Variants in DLC1 observed in about 807,000 individuals in gnomAD.
DLC1 encodes the protein DLC1 Rho GTPase activating protein.
Under a neutral mutation model 140.3 loss-of-function variants are expected in DLC1, and 54 were observed. That is an observed-to-expected ratio of 0.38 (90% CI 0.31 to 0.48). The LOEUF (loss-of-function observed/expected upper bound fraction) is 0.48, where lower values mean the gene tolerates loss of function less well. Ranked by LOEUF, DLC1 falls within the 20% of genes least tolerant of loss-of-function variation. DLC1 has a pLI of 0.96. For missense variants in DLC1, 2,536 were observed against 1,907.0 expected (o/e 1.33, Z -6.14); for synonymous variants, 986 against 728.1 (o/e 1.35, Z -5.70).
chr8:13,308,255 A>T (rs1454925098), intron 4 of DLC1, among the ~76,000 whole-genome samples: 1 of 152,218 alleles, frequency 6.6e-6, no homozygotes, highest in Non-Finnish European at 1.5e-5. Context: ...ATTACGTTAG[A>T]ATGTCACCAC....
rs560971055 is a variant in DLC1, at chr8:13,407,909, T to C, written c.1024-6290A>G. Among the ~76,000 whole-genome samples the C allele has an allele frequency of 1.2e-4, 18 of 152,356 alleles. No individual in the cohort carries two copies. The East Asian group carries it at 3.5e-3, about 29-fold the overall frequency. On this transcript the variant is annotated intron_variant, in intron 2 of 17. Coordinates refer to ENST00000276297, the MANE Select transcript of DLC1 (RefSeq NM_182643.3). The stretch of plus-strand genomic sequence containing the variant: ...AAATCTCATATTAGCATTATATGTT[T>C]CATTTGACAATAAATTTCTCATTCT...
At chr8:13,369,233 C>G (rs11989753) in intron 4 of DLC1, among the ~76,000 whole-genome samples, 19,031 of 151,918 alleles carry the variant, frequency 0.13, 1,317 homozygotes, top group Non-Finnish European at 0.16. Context: ...CTGTCTCTCT[C>G]CTGTCATGCC....
chr8:13,091,281 A>T (rs1457565850), intron 14 of DLC1, 37 bp downstream of exon 14: 1 of 1,602,914 alleles, frequency 6.2e-7, no homozygotes, highest in South Asian at 1.1e-5. Flanking sequence ...TATTCACATT[A>T]TCCTTAATAA....
chr8:13,443,673 AAAG>A (rs1798646506), intron 2 of DLC1, among the ~76,000 whole-genome samples: 2 of 151,370 alleles, frequency 1.3e-5, no homozygotes, highest in African/African-American at 4.9e-5. Flanking sequence ...AAAAAAAAAA[AAAG>A]AAAAAGAAAA....
At chr8:13,544,391 A>G (rs562032566) in intron 1 of DLC1, among the ~76,000 whole-genome samples, 12 of 152,210 alleles carry the variant, frequency 7.9e-5, no homozygotes, top group Non-Finnish European at 1.5e-4. Context: ...TAATACATAC[A>G]TAGTGTAATT....
chr8:13,254,398 C>T (rs1423615327), intron 5 of DLC1, among the ~76,000 whole-genome samples: 6 of 152,084 alleles, frequency 3.9e-5, no homozygotes, highest in Non-Finnish European at 7.4e-5. Context: ...TCTATGTGTA[C>T]CCTTTCACAT....
chr8:13,145,924 C>T (rs959537516), intron 5 of DLC1, among the ~76,000 whole-genome samples: 13 of 151,976 alleles, frequency 8.6e-5, no homozygotes, highest in East Asian at 3.9e-4. Flanking sequence ...TTCTTCATTG[C>T]GTGGTGGGTT....
intron 1 of DLC1, among the ~76,000 whole-genome samples, chr8:13,588,301 T>G (rs1008159820): frequency 6.6e-6 from 1 of 152,048 alleles, no homozygotes; most frequent in South Asian, 2.1e-4. Flanking sequence ...GCCTACTGGG[T>G]GGATTACCGA....
intron 1 of DLC1, among the ~76,000 whole-genome samples, chr8:13,528,548 G>A (rs1802992925): frequency 6.6e-6 from 1 of 152,034 alleles, no homozygotes; most frequent in Non-Finnish European, 1.5e-5. Flanking sequence ...TAATCCTATT[G>A]CGGAATAAAA....
chr8:13,196,228 C>T (rs1827046864), intron 5 of DLC1, among the ~76,000 whole-genome samples: 1 of 151,776 alleles, frequency 6.6e-6, no homozygotes, highest in Non-Finnish European at 1.5e-5. Flanking sequence ...TCAACTTTAT[C>T]CACAATAATT....
chr8:13,413,491 T>C lies in DLC1; in HGVS notation c.1024-11872A>G, dbSNP rs530441840. Among the ~76,000 whole-genome samples the C allele has an allele frequency of 4.6e-3, 517 of 111,540 alleles. 2 individuals are homozygous for C. The highest frequency in any genetic ancestry group is 0.015 in the African/African-American group (499 of 33,492). 73.2% of individuals were successfully genotyped at this position (111,540 alleles called of 152,430 possible). A position where few individuals can be genotyped will look rare whatever the true frequency, so the allele number is the denominator to read the frequency against. On this transcript the variant is annotated intron_variant, in intron 2 of 17. Transcript: ENST00000276297. ...GCAAAATTATTTCTCTGTGTGTGTG[T>C]GTGCACACATATATATATATATACA...
At chr8:13,201,410 A>G (rs1279760971) in intron 5 of DLC1, among the ~76,000 whole-genome samples, 1 of 152,206 alleles carries the variant, frequency 6.6e-6, no homozygotes, top group Non-Finnish European at 1.5e-5. Flanking sequence ...CATAAGAACA[A>G]ATACAAATAT....
chr8:13,139,288 CAAAAAAAAAAAAAAAAAAA>C (rs67684524), intron 5 of DLC1, among the ~76,000 whole-genome samples: 1 of 49,286 alleles, frequency 2.0e-5, no homozygotes. Flanking sequence ...GACCCTGTCT[CAAAAAAAAAAAAAAAAAAA>C]AAAAAAAAAA....
chr8:13,138,298 AT>A (rs1286742631), intron 5 of DLC1, among the ~76,000 whole-genome samples: 5 of 152,116 alleles, frequency 3.3e-5, no homozygotes, highest in African/African-American at 4.8e-5. Context: ...GAGCTGAAAG[AT>A]TTTTTCCAGA....
intron 1 of DLC1, among the ~76,000 whole-genome samples, chr8:13,509,691 CTAAT>C (rs77536622): frequency 0.055 from 8,320 of 152,164 alleles, 373 homozygotes; most frequent in East Asian, 0.17. Context: ...CATTATTGCT[CTAAT>C]TAATTTGATA....
intron 5 of DLC1, among the ~76,000 whole-genome samples, chr8:13,164,734 C>G (rs1432324045): frequency 6.6e-6 from 1 of 152,180 alleles, no homozygotes; most frequent in Non-Finnish European, 1.5e-5. Context: ...TATTTTACTT[C>G]TGAGACTTCT....
intron 1 of DLC1, among the ~76,000 whole-genome samples, chr8:13,520,022 G>A (rs1022560256): frequency 6.6e-6 from 1 of 152,212 alleles, no homozygotes; most frequent in African/African-American, 2.4e-5. Context: ...TACACCGTTG[G>A]TGGGAGTGTG....
At chr8:13,468,339 TTCCCCTCCCC>T (rs769649730) in intron 2 of DLC1, among the ~76,000 whole-genome samples, 11 of 59,916 alleles carry the variant, frequency 1.8e-4, no homozygotes, top group Non-Finnish European at 2.5e-4. Context: ...CTTCCCCCCA[TTCCCCTCCCC>T]TCCCCTCCCC....
Position 13,453,602 on chromosome 8 carries a change from T to G in DLC1, c.1023+45447A>C, listed in dbSNP as rs564295653. Among the ~76,000 whole-genome samples, 112 of 137,062 alleles carry G rather than the reference T, an allele frequency of 8.2e-4. 1 individual carries two copies. The highest frequency in any genetic ancestry group is 8.8e-4 in the Non-Finnish European group (57 of 65,052). 89.9% of individuals were successfully genotyped at this position (137,062 alleles called of 152,430 possible). ...GATAGAAATGTTTACTGAGACTAAG[T>G]TGAGCAGCCAATTCATTTGTCTGGC... is the stretch of plus-strand genomic sequence containing the variant. On this transcript the variant is annotated intron_variant, in intron 2 of 17. Transcript: ENST00000276297.
Sources: allele counts gnomAD v4.1 joint callset (sites outside exome capture counted in the v4.1 genomes callset), GRCh38; gene constraint gnomAD v4.1.1; transcripts MANE v1.5; gene names NCBI Gene and HGNC (gene_info 2026-07-23, HGNC 2026-07-21).